Variants in SEMA5A observed in about 807,000 individuals in gnomAD.
SEMA5A encodes semaphorin 5A.
Under a neutral mutation model 135.5 loss-of-function variants are expected in SEMA5A, and 55 were observed. The observed-to-expected ratio is 0.41, with a 90% confidence interval of 0.33 to 0.51. The LOEUF (loss-of-function observed/expected upper bound fraction) is 0.51. Among genes scored for constraint, SEMA5A ranks in the 20% least tolerant of loss-of-function variants. The pLI is 0.37. For missense variants in SEMA5A, 1,290 were observed against 1,419.9 expected, an observed-to-expected ratio of 0.91 and a Z score of 1.47; for synonymous variants, 580 against 546.5, an observed-to-expected ratio of 1.06 and a Z score of -0.85.
At chr5:9,178,331 CT>C (rs5865809) in intron 11 of SEMA5A, among the ~76,000 whole-genome samples, 53,307 of 122,966 alleles carry the variant, frequency 0.43, 8,810 homozygotes, top group Middle Eastern at 0.53. Context: ...TTTTTCTCTC[CT>C]TTTTTTTTTT....
chr5:9,348,971 C>T (rs1753995638), intron 3 of SEMA5A, among the ~76,000 whole-genome samples: 1 of 152,338 alleles, frequency 6.6e-6, no homozygotes, highest in South Asian at 2.1e-4. Context: ...AAATCTCTTT[C>T]TGTCACATTC....
At chr5:9,096,397 T>C (rs569620808) in intron 16 of SEMA5A, among the ~76,000 whole-genome samples, 1 of 152,340 alleles carries the variant, frequency 6.6e-6, no homozygotes, top group South Asian at 2.1e-4. Context: ...TCTCTCCATA[T>C]ATGAGACCTT....
intron 5 of SEMA5A, among the ~76,000 whole-genome samples, chr5:9,273,454 G>A (rs896549677): frequency 2.0e-5 from 3 of 151,988 alleles, no homozygotes; most frequent in Non-Finnish European, 4.4e-5. Flanking sequence ...ACCTAGCAAG[G>A]CAGGCCAACA....
At chr5:9,126,367 G>A (rs570430199) in intron 13 of SEMA5A, among the ~76,000 whole-genome samples, 3 of 152,176 alleles carry the variant, frequency 2.0e-5, no homozygotes, top group South Asian at 2.1e-4. Context: ...AAAGAGGATC[G>A]GACATTGGAT....
intron 10 of SEMA5A, among the ~76,000 whole-genome samples, chr5:9,193,621 C>A (rs138255857): frequency 1.5e-4 from 23 of 152,054 alleles, no homozygotes; most frequent in Admixed American, 1.5e-3. Context: ...CTTGGCAGGC[C>A]GGGGGCGGTG....
chr5:9,354,575 C>T (rs752930441), intron 3 of SEMA5A, among the ~76,000 whole-genome samples: 3 of 152,250 alleles, frequency 2.0e-5, no homozygotes, highest in African/African-American at 2.4e-5. Context: ...TTCAAGCCTT[C>T]GGGCAGCAAA....
chr5:9,264,682 G>A (rs1012570156), intron 5 of SEMA5A, among the ~76,000 whole-genome samples: 5 of 152,126 alleles, frequency 3.3e-5, no homozygotes, highest in African/African-American at 1.2e-4. Context: ...TCACCAGCGG[G>A]TTAATGTTCA....
chr5:9,264,275 C>A (rs933662214), intron 5 of SEMA5A, among the ~76,000 whole-genome samples: 1 of 150,778 alleles, frequency 6.6e-6, no homozygotes. Context: ...AGAATAAAGA[C>A]AGAAAAAAGC....
intron 16 of SEMA5A, among the ~76,000 whole-genome samples, chr5:9,083,426 A>G (rs766397404): frequency 2.0e-5 from 3 of 152,252 alleles, no homozygotes; most frequent in Admixed American, 6.5e-5. Flanking sequence ...TACTGCATGA[A>G]TATTTCCTGC....
intron 2 of SEMA5A, among the ~76,000 whole-genome samples, chr5:9,407,634 T>G (rs1404051972): frequency 6.6e-6 from 1 of 152,184 alleles, no homozygotes; most frequent in Non-Finnish European, 1.5e-5. Context: ...ACCAGCCAAG[T>G]GTTCACCTGT....
intron 2 of SEMA5A, among the ~76,000 whole-genome samples, chr5:9,421,558 C>T (rs1561239651): frequency 6.6e-6 from 1 of 152,104 alleles, no homozygotes; most frequent in African/African-American, 2.4e-5. Context: ...GGTTGTAATA[C>T]TGGGTGAAAT....
rs947092418 is a variant in SEMA5A at position 9,266,164 on chromosome 5, T to C, written c.271-28274A>G. ...TTAGGAGAGCAGGGAATGGTTCGAG[T>C]CTCTGAATACAGGTTGATGTTTCCA... On this transcript the variant is annotated intron_variant, in intron 5 of 22. Coordinates refer to ENST00000382496, the MANE Select transcript of SEMA5A (RefSeq NM_003966.3). Among the ~76,000 whole-genome samples the C allele has an allele frequency of 5.3e-5, 8 of 152,180 alleles. 1 individual carries two copies. The highest frequency in any genetic ancestry group is 1.9e-4 in the African/African-American group (8 of 41,438).
At position 9,106,673 on chromosome 5, in the gene SEMA5A, T is replaced by C. The variant is rs146576575; in HGVS notation, c.2073+1467A>G. Among the ~76,000 whole-genome samples, 599 of 152,340 alleles carry C rather than the reference T, an allele frequency of 3.9e-3. 2 individuals are homozygous for C. Among genetic ancestry groups the C allele is most frequent in the Middle Eastern group, 0.017 (5 of 294 alleles). ...GACATTCTTCAGCAAAATACAAAGT[T>C]ATCCCATTTGAATGGTTTTCCTAGA... On this transcript the variant is annotated intron_variant, in intron 16 of 22. Transcript: ENST00000382496.
chr5:9,140,580 G>T (rs983890036), intron 12 of SEMA5A, among the ~76,000 whole-genome samples: 1 of 152,208 alleles, frequency 6.6e-6, no homozygotes, highest in South Asian at 2.1e-4. Context: ...CTGTGCCAAT[G>T]AGATCGAATC....
intron 11 of SEMA5A, among the ~76,000 whole-genome samples, chr5:9,181,632 C>T (rs558786601): frequency 9.9e-5 from 15 of 152,238 alleles, no homozygotes; most frequent in African/African-American, 3.4e-4. Flanking sequence ...GGCTTCTCAG[C>T]CCAGGTTCTA....
chr5:9,462,476 C>T (rs982662171), intron 1 of SEMA5A, among the ~76,000 whole-genome samples: 1 of 152,088 alleles, frequency 6.6e-6, no homozygotes, highest in Admixed American at 6.6e-5. Context: ...TTAATTGATA[C>T]ACATACCCAA....
intron 1 of SEMA5A, among the ~76,000 whole-genome samples, chr5:9,445,613 G>A (rs1171381577): frequency 6.6e-6 from 1 of 152,048 alleles, no homozygotes; most frequent in Non-Finnish European, 1.5e-5. Context: ...AGCTTGCAAT[G>A]AGCCGAGATG....
rs1334521690 is a variant in SEMA5A at position 9,204,503 on chromosome 5, C to G, written c.647-2263G>C. 2.0e-5 allele frequency among the ~76,000 whole-genome samples: 3 copies of G among 152,214 alleles called. No homozygotes were observed. Among genetic ancestry groups the G allele is most frequent in the Non-Finnish European group, 4.4e-5 (3 of 68,032 alleles). On this transcript the variant is annotated intron_variant, in intron 8 of 22. Transcript: ENST00000382496. This position sits in a 1 kb window ranked among gnomAD's most constrained non-coding sequence, Gnocchi z 6.4. ...CTGAAGGATGAGTTTATAATAAAAACAGCTAATATCTGTAGAATGCTAAGT... is the reference window on the plus strand; with the variant it reads ...CTGAAGGATGAGTTTATAATAAAAAGAGCTAATATCTGTAGAATGCTAAGT...
intron 6 of SEMA5A, among the ~76,000 whole-genome samples, chr5:9,233,841 C>T (rs1747763423): frequency 1.3e-5 from 2 of 152,254 alleles, no homozygotes; most frequent in Middle Eastern, 3.4e-3. Context: ...CCACCTCCTT[C>T]CATGCATGCA....
Sources: allele counts gnomAD v4.1 joint callset (sites outside exome capture counted in the v4.1 genomes callset), GRCh38; gene constraint gnomAD v4.1.1; non-coding constraint Gnocchi (gnomAD v3.1); transcripts MANE v1.5; gene names NCBI Gene and HGNC (gene_info 2026-07-23, HGNC 2026-07-21).